GAR1: variants seen among roughly 807,000 people sequenced by gnomAD.
GAR1 encodes the protein GAR1 ribonucleoprotein.
In GAR1, 11 loss-of-function variants were observed where a neutral mutation model predicts 29.3. That is an observed-to-expected ratio of 0.38 (90% CI 0.24 to 0.62). The LOEUF is 0.62. GAR1 is among the 20% of genes least tolerant of loss of function. The pLI is 0.62. For missense variants in GAR1, 237 were observed against 268.4 expected (o/e 0.88, Z 0.82); for synonymous variants, 87 against 93.3 (o/e 0.93, Z 0.39).
chr4:109,816,918 C>A (rs1355594285), intron 2 of GAR1, among the ~76,000 whole-genome samples: 1 of 152,166 alleles, frequency 6.6e-6, no homozygotes, highest in Non-Finnish European at 1.5e-5. Flanking sequence ...AGTGAGAAAA[C>A]AATTTGCTTG....
At chr4:109,815,641 T>C (rs1733325244), upstream of GAR1, 1 of 166,288 alleles carries the variant, frequency 6.0e-6, no homozygotes, top group African/African-American at 2.4e-5. Flanking sequence ...GTGTTGCTTG[T>C]TCCGCGGGTG....
intron 6 of GAR1, 46 bp from the exon 7 acceptor site, chr4:109,824,369 TAAA>T: frequency 7.5e-7 from 1 of 1,327,612 alleles, no homozygotes; most frequent in Non-Finnish European, 1.1e-6. Context: ...ATAATACTAT[TAAA>T]AATCCATTTT....
rs998270143 is a variant in GAR1 at position 109,824,609 on chromosome 4, A to C, written c.*178A>C. 5 of 582,922 alleles carry C rather than the reference A, an allele frequency of 8.6e-6. No individual in the cohort carries two copies. Among genetic ancestry groups the C allele is most frequent in the Non-Finnish European group, 1.2e-5 (4 of 321,658 alleles). 36.1% of individuals were successfully genotyped at this position (582,922 alleles called of 1,614,324 possible). A position where few individuals can be genotyped will look rare whatever the true frequency, so the allele number is the denominator to read the frequency against. ...CAACGGAATAGTGAATTTTGCTCTA[A>C]AAGAGCATGAACAAGTCTTTCTAAT... On this transcript the variant is annotated 3_prime_UTR_variant, in exon 7 of 7. Transcript: ENST00000226796.
upstream of GAR1, chr4:109,815,601 T>C (rs1488254696): frequency 6.2e-6 from 1 of 161,180 alleles, no homozygotes; most frequent in Non-Finnish European, 1.4e-5. Context: ...TATTGCCACT[T>C]TTCCAGCGCT....
chr4:109,818,511 C>T (rs1454536841), intron 3 of GAR1, among the ~76,000 whole-genome samples: 3 of 150,830 alleles, frequency 2.0e-5, no homozygotes, highest in Non-Finnish European at 3.0e-5. Flanking sequence ...CTCTCTCTTG[C>T]TCTTTCCCTG....
intron 4 of GAR1, 182 bp downstream of exon 4, chr4:109,819,242 G>T: frequency 1.7e-6 from 1 of 602,610 alleles, no homozygotes; most frequent in South Asian, 2.0e-5. Context: ...ATTTGATACA[G>T]CCTTTAGAAA....
chr4:109,816,449 C>T lies in GAR1; in HGVS notation c.214+71C>T. ...GTTGGGGGTTTGTGTTGTTAGGCAG[C>T]AAGTTTGGGATACACAAGCCTGTGT... On this transcript the variant is annotated intron_variant, in intron 2 of 6. Coordinates refer to ENST00000226796, the MANE Select transcript of GAR1 (RefSeq NM_018983.4). 2.8e-6 allele frequency: 4 copies of T among 1,435,644 alleles called. No individual in the cohort carries two copies. In the African/African-American group the frequency reaches 4.2e-5, roughly 15 times the overall value. The allele number at this position is 1,435,644 out of a possible 1,614,324, so 88.9% of individuals were successfully genotyped here.
intron 3 of GAR1, among the ~76,000 whole-genome samples, 175 bp downstream of exon 3, chr4:109,818,265 A>G (rs1733406095): frequency 6.6e-6 from 1 of 152,228 alleles, no homozygotes; most frequent in Non-Finnish European, 1.5e-5. Context: ...AGATATTAAA[A>G]TGACAGACCC....
intron 4 of GAR1, among the ~76,000 whole-genome samples, chr4:109,819,805 G>A (rs996428057): frequency 6.6e-6 from 1 of 152,226 alleles, no homozygotes; most frequent in African/African-American, 2.4e-5. Flanking sequence ...AACAGTATGT[G>A]CAGTCTCTGA....
Position 109,818,076 on chromosome 4 carries a change from C to A in GAR1, c.355C>A (p.Gln119Lys). ...TGGAAAAGTGGATGAAATATTTGGA[C>A]AACTCAGAGATTTTGTATCCTTTTT... ...QIGKVDEIFG[Q>K]LRDFYFSVKL... Residue 119 changes from glutamine (Q) to lysine (K), a missense_variant, in exon 3 of 7, where the codon CAA becomes AAA. Coordinates refer to ENST00000226796, the MANE Select transcript of GAR1 (RefSeq NM_018983.4). 6.2e-7 allele frequency: 1 copy of A among 1,601,780 alleles called. No homozygotes were observed. The highest frequency in any genetic ancestry group is 8.5e-7 in the Non-Finnish European group (1 of 1,175,688).
intron 5 of GAR1, among the ~76,000 whole-genome samples, chr4:109,823,285 AAG>A (rs1438185450): frequency 1.3e-5 from 2 of 152,188 alleles, no homozygotes; most frequent in Non-Finnish European, 2.9e-5. Context: ...GGATCAGAAA[AAG>A]AGAAGGAACG....
At chr4:109,819,982 T>A (rs1390276310) in intron 4 of GAR1, among the ~76,000 whole-genome samples, 2 of 152,184 alleles carry the variant, frequency 1.3e-5, no homozygotes, top group Admixed American at 1.3e-4. Flanking sequence ...TTCAATTGTG[T>A]TTTATTTTTG....
Position 109,823,950 on chromosome 4 carries a change from A to G in GAR1, c.572-15A>G. 6.5e-7 allele frequency: 1 copy of G among 1,549,340 alleles called. No individual in the cohort carries two copies. Among genetic ancestry groups the G allele is most frequent in the Non-Finnish European group, 8.9e-7 (1 of 1,122,812 alleles). ...TTTAAATACTTTGCGTTATTATTTAATAAATGTTTTTTAGGTGGTTTTAGA... is the reference window on the plus strand; with the variant it reads ...TTTAAATACTTTGCGTTATTATTTAGTAAATGTTTTTTAGGTGGTTTTAGA... On this transcript the variant is annotated splice_polypyrimidine_tract_variant and intron_variant, in intron 5 of 6. Transcript: ENST00000226796.
In GAR1 at chr4:109,816,498, G is replaced by A. The variant is rs182443804; in HGVS notation, c.214+120G>A. On this transcript the variant is annotated intron_variant, in intron 2 of 6. Transcript: ENST00000226796. Reference sequence around the variant, plus strand: ...GTGGAGAATGTAGCATGTAAGGGTGGAGTGGGGAGATCAAGAAAGCTGAGG... The same window carrying A: ...GTGGAGAATGTAGCATGTAAGGGTGAAGTGGGGAGATCAAGAAAGCTGAGG... The A allele has an allele frequency of 8.5e-6, 8 of 938,238 alleles. No homozygotes were observed. The Admixed American group carries it at 1.6e-4, about 19-fold the overall frequency. 58.1% of individuals were successfully genotyped at this position (938,238 alleles called of 1,614,324 possible).
At chr4:109,820,075 G>A (rs1052012944) in intron 4 of GAR1, among the ~76,000 whole-genome samples, 3 of 152,204 alleles carry the variant, frequency 2.0e-5, no homozygotes, top group African/African-American at 7.2e-5. Flanking sequence ...GGTCAATATT[G>A]TGTGAGAGGG....
At chr4:109,823,776 A>AT (rs1052870880) in intron 5 of GAR1, among the ~76,000 whole-genome samples, 189 bp from the exon 6 acceptor site, 6 of 152,102 alleles carry the variant, frequency 3.9e-5, no homozygotes, top group African/African-American at 1.2e-4. Flanking sequence ...CAGTTTCTCC[A>AT]TTTTTATCTT....
chr4:109,818,077 A>C lies in GAR1; in HGVS notation c.356A>C (p.Gln119Pro). 1 of 1,600,312 alleles carries C rather than the reference A, an allele frequency of 6.2e-7. No homozygotes were observed. The highest frequency in any genetic ancestry group is 8.5e-7 in the Non-Finnish European group (1 of 1,175,528). ...GGAAAAGTGGATGAAATATTTGGAC[A>C]ACTCAGAGATTTTGTATCCTTTTTC... ...QIGKVDEIFG[Q>P]LRDFYFSVKL... Residue 119 changes from glutamine (Q) to proline (P), a missense_variant, in exon 3 of 7, where the codon CAA becomes CCA. Transcript: ENST00000226796.
At chr4:109,823,884 T>G in intron 5 of GAR1, 81 bp from the exon 6 acceptor site, 1 of 854,746 alleles carries the variant, frequency 1.2e-6, no homozygotes, top group Non-Finnish European at 1.9e-6. Flanking sequence ...TATAAGAGGT[T>G]ATACAGTTAA....
In GAR1 at chr4:109,824,611, A is replaced by T; in HGVS notation, c.*180A>T. ...ACGGAATAGTGAATTTTGCTCTAAA[A>T]GAGCATGAACAAGTCTTTCTAATGT... is the stretch of plus-strand genomic sequence containing the variant. On this transcript the variant is annotated 3_prime_UTR_variant, in exon 7 of 7. Transcript: ENST00000226796. 5.1e-6 allele frequency: 3 copies of T among 584,010 alleles called. No homozygotes were observed. The East Asian group carries it at 8.7e-5, about 17-fold the overall frequency. 36.2% of individuals were successfully genotyped at this position (584,010 alleles called of 1,614,324 possible).
Sources: allele counts gnomAD v4.1 joint callset (sites outside exome capture counted in the v4.1 genomes callset), GRCh38; gene constraint gnomAD v4.1.1; transcripts MANE v1.5; gene names NCBI Gene and HGNC (gene_info 2026-07-23, HGNC 2026-07-21).